DAB1: variants seen among roughly 807,000 people sequenced by gnomAD.
DAB1 encodes the protein DAB adaptor protein 1.
Under a neutral mutation model 64.6 loss-of-function variants are expected in DAB1, and 15 were observed. The ratio of observed to expected loss-of-function variants is 0.23; its 90% CI spans 0.16 to 0.36. The LOEUF (loss-of-function observed/expected upper bound fraction) is 0.36, where lower values mean the gene tolerates loss of function less well. DAB1 is among the 10% of genes least tolerant of loss of function. DAB1 has a pLI of 1.00. For synonymous variants in DAB1, 235 were observed against 251.9 expected (o/e 0.93, Z 0.64); for missense variants, 596 against 706.7 (o/e 0.84, Z 1.78).
chr1:58,284,793 GA>G (rs1661645000), intron 4 of DAB1, among the ~76,000 whole-genome samples: 1 of 152,176 alleles, frequency 6.6e-6, no homozygotes, highest in Non-Finnish European at 1.5e-5. Flanking sequence ...CACTGGAAAG[GA>G]AACAGCCCTC....
Position 58,059,714 on chromosome 1 carries a change from G to A in DAB1, n.387+90797C>T, listed in dbSNP as rs187918600. On this transcript the variant is annotated intron_variant and non_coding_transcript_variant, in intron 5 of 20. Coordinates refer to the DAB1 transcript ENST00000485760. ...TTAAAAATAGCCAAATCCACCACATGGAGTGCTTTATATGCTTGCCATTTT... is the reference window on the plus strand; with the variant it reads ...TTAAAAATAGCCAAATCCACCACATAGAGTGCTTTATATGCTTGCCATTTT... 9.7e-4 allele frequency among the ~76,000 whole-genome samples: 148 copies of A among 152,310 alleles called. 2 individuals are homozygous for A. Among genetic ancestry groups the A allele is most frequent in the African/African-American group, 3.2e-3 (135 of 41,566 alleles).
Position 57,707,919 on chromosome 1 carries a change from C to A in DAB1, n.552-58254G>T, listed in dbSNP as rs140878848. The stretch of plus-strand genomic sequence containing the variant: ...GACTTGGGTAGGAAAGGGAAGAATT[C>A]CCTGGGTTACCAGGCAAAGTTACTC... On this transcript the variant is annotated intron_variant and non_coding_transcript_variant, in intron 6 of 20. Coordinates refer to the DAB1 transcript ENST00000485760. 2.0e-3 allele frequency among the ~76,000 whole-genome samples: 301 copies of A among 152,190 alleles called. 2 individuals carry two copies. The highest frequency in any genetic ancestry group is 5.9e-3 in the African/African-American group (243 of 41,534).
intron 3 of DAB1, chr1:58,480,956 A>T (rs1332376644): frequency 1.2e-6 from 1 of 857,714 alleles, no homozygotes; most frequent in Non-Finnish European, 2.0e-6. Flanking sequence ...GTGTCTCATA[A>T]ATTTTAATTC....
intron 6 of DAB1, among the ~76,000 whole-genome samples, chr1:57,684,066 T>A (rs1329909578): frequency 1.3e-5 from 2 of 150,760 alleles, no homozygotes; most frequent in African/African-American, 4.9e-5. Context: ...CAGACAAAAA[T>A]AAAGAAAAAG....
At chr1:57,477,969 T>C (rs1033906318) in intron 7 of DAB1, among the ~76,000 whole-genome samples, 12 of 151,672 alleles carry the variant, frequency 7.9e-5, no homozygotes, top group Non-Finnish European at 1.8e-4. Flanking sequence ...TTGTTACATA[T>C]GTATACATGT....
intron 7 of DAB1, among the ~76,000 whole-genome samples, chr1:57,473,802 G>A (rs1327197337): frequency 6.6e-6 from 1 of 152,046 alleles, no homozygotes; most frequent in African/African-American, 2.4e-5. Context: ...CTCTGTCTTT[G>A]TTATCTTCAT....
intron 7 of DAB1, among the ~76,000 whole-genome samples, chr1:57,623,131 C>T (rs1645881684): frequency 6.6e-6 from 1 of 152,118 alleles, no homozygotes; most frequent in South Asian, 2.1e-4. Context: ...TGTTGGCATG[C>T]CATCAAACGA....
intron 7 of DAB1, among the ~76,000 whole-genome samples, chr1:57,578,481 A>C (rs1645276058): frequency 1.3e-5 from 2 of 152,208 alleles, no homozygotes; most frequent in Non-Finnish European, 2.9e-5. Context: ...TCCAGGCTGG[A>C]CACTTATCTT....
intron 6 of DAB1, among the ~76,000 whole-genome samples, chr1:57,780,968 T>C (rs1256166126): frequency 1.3e-5 from 2 of 151,616 alleles, no homozygotes; most frequent in Non-Finnish European, 2.9e-5. Context: ...CCTCAGGTGA[T>C]CTACCTGCCT....
At chr1:57,754,654 C>A (rs1285229988) in intron 6 of DAB1, among the ~76,000 whole-genome samples, 4 of 151,104 alleles carry the variant, frequency 2.6e-5, no homozygotes, top group African/African-American at 9.7e-5. Flanking sequence ...TGTGCCATTG[C>A]ACTCCAGACT....
intron 6 of DAB1, among the ~76,000 whole-genome samples, chr1:57,763,906 CA>C (rs1649195604): frequency 2.6e-5 from 4 of 152,096 alleles, no homozygotes; most frequent in Admixed American, 2.6e-4. Context: ...GCCATTTTTG[CA>C]TATCAAAATC....
At chr1:58,220,435 C>T (rs775853109) in intron 4 of DAB1, among the ~76,000 whole-genome samples, 28 of 152,190 alleles carry the variant, frequency 1.8e-4, no homozygotes, top group Non-Finnish European at 3.4e-4. Context: ...CTTCTAGCCA[C>T]GAGATGTCAC....
At chr1:58,225,706 G>T (rs555959177) in intron 4 of DAB1, among the ~76,000 whole-genome samples, 1 of 150,238 alleles carries the variant, frequency 6.7e-6, no homozygotes, top group Non-Finnish European at 1.5e-5. Context: ...GCAAACTATC[G>T]CAAGGACAAA....
chr1:58,377,895 C>A (rs1644344793), intron 3 of DAB1, among the ~76,000 whole-genome samples: 1 of 142,020 alleles, frequency 7.0e-6, no homozygotes, highest in African/African-American at 2.6e-5. Flanking sequence ...ATTCGTTTTT[C>A]TCTAAACTTC....
In DAB1 at chr1:58,175,379, C is replaced by T. The variant is rs185611817; in HGVS notation, n.310-24791G>A. 2.1e-3 allele frequency among the ~76,000 whole-genome samples: 325 copies of T among 152,310 alleles called. 4 individuals are homozygous for T. Among genetic ancestry groups the T allele is most frequent in the African/African-American group, 7.4e-3 (308 of 41,576 alleles). On this transcript the variant is annotated intron_variant and non_coding_transcript_variant, in intron 4 of 20. Coordinates refer to the DAB1 transcript ENST00000485760. Reference sequence around the variant, plus strand: ...TCTGAAGGAACAAACTCCGGACACACCACCTTTAAGAACTGTAACACTCAC... The same window carrying T: ...TCTGAAGGAACAAACTCCGGACACATCACCTTTAAGAACTGTAACACTCAC...
chr1:57,535,109 G>A (rs1644710348), intron 7 of DAB1, among the ~76,000 whole-genome samples: 1 of 152,052 alleles, frequency 6.6e-6, no homozygotes, highest in Non-Finnish European at 1.5e-5. Context: ...TTCTAAAGTA[G>A]CACTCCTCCC....
At chr1:57,640,053 A>G (rs1240999715) in intron 7 of DAB1, among the ~76,000 whole-genome samples, 1 of 152,188 alleles carries the variant, frequency 6.6e-6, no homozygotes, top group Non-Finnish European at 1.5e-5. Context: ...CTGCAGAAGC[A>G]TGGCACGAGA....
At chr1:57,788,248 T>C (rs1650430322) in intron 6 of DAB1, among the ~76,000 whole-genome samples, 1 of 152,150 alleles carries the variant, frequency 6.6e-6, no homozygotes, top group African/African-American at 2.4e-5. Flanking sequence ...GTATTAATAA[T>C]TTCCCCAAAC....
chr1:57,104,709 G>A (rs769042520), intron 4 of DAB1, among the ~76,000 whole-genome samples: 4 of 152,156 alleles, frequency 2.6e-5, no homozygotes, highest in Non-Finnish European at 5.9e-5. Flanking sequence ...CATGGCATTC[G>A]GTTGAGAGAG....
Sources: gnomAD v4.1 joint callset for allele counts (sites outside exome capture counted in the v4.1 genomes callset) on GRCh38, gnomAD v4.1.1 for gene constraint, MANE v1.5 for transcripts, NCBI Gene and HGNC (gene_info 2026-07-23, HGNC 2026-07-21) for gene names.